PAQR5: variants seen among roughly 807,000 people sequenced by gnomAD.
PAQR5 encodes progestin and adipoQ receptor family member 5, also known as membrane progestin receptor gamma.
Under a neutral mutation model 34.5 loss-of-function variants are expected in PAQR5, and 20 were observed. The ratio of observed to expected loss-of-function variants is 0.58; its 90% CI spans 0.41 to 0.84. The LOEUF (loss-of-function observed/expected upper bound fraction) is 0.84. Among genes scored for constraint, PAQR5 ranks in the 40% least tolerant of loss-of-function variants. PAQR5 has a pLI of 0.00. For missense variants in PAQR5, 378 were observed against 412.7 expected (o/e 0.92, Z 0.73); for synonymous variants, 131 against 155.6 (o/e 0.84, Z 1.18).
At chr15:69,388,784 G>A (rs1442548600) in intron 5 of PAQR5, among the ~76,000 whole-genome samples, 1 of 152,220 alleles carries the variant, frequency 6.6e-6, no homozygotes, top group Non-Finnish European at 1.5e-5. Context: ...CCAAAGCCTT[G>A]TTCAGCCCTG....
intron 5 of PAQR5, among the ~76,000 whole-genome samples, chr15:69,387,831 C>G (rs560442832): frequency 1.3e-4 from 20 of 152,316 alleles, no homozygotes; most frequent in African/African-American, 4.8e-4. Flanking sequence ...CTCCCTCTTC[C>G]CTTCCCTGCA....
intron 4 of PAQR5, among the ~76,000 whole-genome samples, chr15:69,384,409 GCGGGCCCTCCGTGTT>G (rs2056041583): frequency 9.5e-6 from 1 of 105,568 alleles, no homozygotes; most frequent in Non-Finnish European, 2.0e-5. Context: ...TGGAGGGTGA[GCGGGCCCTCCGTGTT>G]CATGGTGGAG....
chr15:69,386,471 C>T (rs1257407407), intron 5 of PAQR5, among the ~76,000 whole-genome samples: 3 of 152,196 alleles, frequency 2.0e-5, no homozygotes, highest in Admixed American at 2.0e-4. Context: ...ATGTGCGTGC[C>T]CCTGTCCAGG....
At chr15:69,373,429 GA>G (rs1472061068) in intron 3 of PAQR5, among the ~76,000 whole-genome samples, 2 of 152,112 alleles carry the variant, frequency 1.3e-5, no homozygotes, top group East Asian at 1.9e-4. Flanking sequence ...GCCTAAAACT[GA>G]AAATAGTTTT....
At chr15:69,359,433 C>T (rs2055173041) in intron 2 of PAQR5, among the ~76,000 whole-genome samples, 1 of 152,114 alleles carries the variant, frequency 6.6e-6, no homozygotes, top group Non-Finnish European at 1.5e-5. Context: ...GTGAGCAATT[C>T]CTGTCCCTTT....
chr15:69,320,571 G>A (rs917665038), intron 1 of PAQR5, among the ~76,000 whole-genome samples: 1 of 151,956 alleles, frequency 6.6e-6, no homozygotes, highest in African/African-American at 2.4e-5. Flanking sequence ...TTACAAAAAG[G>A]TATTTAAAAA....
chr15:69,329,312 C>G (rs779889787), intron 1 of PAQR5, among the ~76,000 whole-genome samples: 8 of 151,914 alleles, frequency 5.3e-5, no homozygotes, highest in Non-Finnish European at 8.8e-5. Context: ...AACCCCCATC[C>G]TTGAATATAG....
At chr15:69,381,669 G>A (rs1263026622) in intron 4 of PAQR5, among the ~76,000 whole-genome samples, 2 of 152,222 alleles carry the variant, frequency 1.3e-5, no homozygotes, top group Non-Finnish European at 2.9e-5. Flanking sequence ...TCCTGACTGA[G>A]CAACAGAGAG....
chr15:69,358,750 C>T lies in PAQR5; in HGVS notation c.-115-1216C>T, dbSNP rs938579744. The stretch of plus-strand genomic sequence containing the variant: ...GGGCTGAAGTGATCTCACTTTAGCC[C>T]GCCCTTGAGTATAACACCATACCCA... On this transcript the variant is annotated intron_variant, in intron 2 of 8. Transcript: ENST00000395407. Among the ~76,000 whole-genome samples the T allele has an allele frequency of 4.0e-5, 6 of 149,214 alleles. No individual in the cohort carries two copies. The East Asian group carries it at 6.0e-4, about 15-fold the overall frequency.
chr15:69,358,244 T>C (rs2055131302), intron 2 of PAQR5, among the ~76,000 whole-genome samples: 1 of 152,182 alleles, frequency 6.6e-6, no homozygotes, highest in African/African-American at 2.4e-5. Context: ...TACTCACAGC[T>C]CTTAAGTGGT....
chr15:69,327,922 G>A (rs555125533), intron 1 of PAQR5, among the ~76,000 whole-genome samples: 1 of 152,070 alleles, frequency 6.6e-6, no homozygotes, highest in Admixed American at 6.5e-5. Context: ...GGGATTACAG[G>A]CTCCTGCCAC....
chr15:69,402,657 G>C (rs144424125), intron 8 of PAQR5, among the ~76,000 whole-genome samples: 1 of 152,294 alleles, frequency 6.6e-6, no homozygotes, highest in East Asian at 1.9e-4. Context: ...TAGTGGATTA[G>C]GCCCATCTTA....
At chr15:69,399,871 G>T in intron 7 of PAQR5, 103 bp from the exon 8 acceptor site, 3 of 1,156,210 alleles carry the variant, frequency 2.6e-6, no homozygotes, top group Non-Finnish European at 3.7e-6. Flanking sequence ...TAACATGTGT[G>T]GGTGTCAGAG....
intron 2 of PAQR5, among the ~76,000 whole-genome samples, chr15:69,338,384 A>G (rs552541311): frequency 2.6e-5 from 4 of 152,324 alleles, no homozygotes; most frequent in African/African-American, 9.6e-5. Flanking sequence ...TAAAATTGGG[A>G]ATTGTACTCC....
chr15:69,371,067 A>G (rs183496486), intron 3 of PAQR5, among the ~76,000 whole-genome samples: 4 of 152,286 alleles, frequency 2.6e-5, no homozygotes, highest in Admixed American at 2.0e-4. Flanking sequence ...ATAGTGTTGT[A>G]ATCGACATTA....
At chr15:69,328,457 G>A (rs776518945) in intron 1 of PAQR5, among the ~76,000 whole-genome samples, 13 of 152,186 alleles carry the variant, frequency 8.5e-5, no homozygotes, top group Non-Finnish European at 1.8e-4. Flanking sequence ...AGGGTTCAGG[G>A]AGGAGGAGGG....
At chr15:69,306,412 C>CTTTT (rs34752383) in intron 1 of PAQR5, among the ~76,000 whole-genome samples, 9 of 127,618 alleles carry the variant, frequency 7.1e-5, no homozygotes, top group Non-Finnish European at 1.3e-4. Flanking sequence ...ACCATTTAAC[C>CTTTT]TTTTTTTTTT....
intron 6 of PAQR5, chr15:69,397,110 CTA>C: frequency 4.4e-6 from 2 of 457,556 alleles, no homozygotes; most frequent in Non-Finnish European, 8.8e-6. Flanking sequence ...CCGATTCCCC[CTA>C]CCCGTTCCCT....
intron 1 of PAQR5, among the ~76,000 whole-genome samples, chr15:69,334,173 G>A (rs1043505081): frequency 2.0e-5 from 3 of 151,976 alleles, no homozygotes; most frequent in African/African-American, 7.3e-5. Flanking sequence ...GGCTACAGGC[G>A]CCCGCCACCA....
Sources: allele counts gnomAD v4.1 joint callset (sites outside exome capture counted in the v4.1 genomes callset), GRCh38; gene constraint gnomAD v4.1.1; transcripts MANE v1.5; gene names NCBI Gene and HGNC (gene_info 2026-07-23, HGNC 2026-07-21).